Variants in DLG2 observed in about 807,000 individuals in gnomAD.
DLG2 encodes disks large homolog 2.
In DLG2, 45 loss-of-function variants were observed where a neutral mutation model predicts 132.5. That is an observed-to-expected ratio of 0.34 (90% confidence interval 0.27 to 0.44). The LOEUF (loss-of-function observed/expected upper bound fraction) is 0.44, where lower values mean the gene tolerates loss of function less well. DLG2 is among the 20% of genes least tolerant of loss of function. DLG2 has a pLI of 1.00. For synonymous variants in DLG2, 424 were observed against 419.6 expected (o/e 1.01, Z -0.13); for missense variants, 1,045 against 1,196.9 (o/e 0.87, Z 1.87).
chr11:84,042,010 GCCTC>G (rs1282020597), intron 11 of DLG2, among the ~76,000 whole-genome samples: 3 of 151,898 alleles, frequency 2.0e-5, no homozygotes, highest in Non-Finnish European at 4.4e-5. Flanking sequence ...TGATTGTGAG[GCCTC>G]CCCAGCCACG....
intron 19 of DLG2, among the ~76,000 whole-genome samples, chr11:83,627,241 T>C (rs1369546733): frequency 6.6e-6 from 1 of 152,070 alleles, no homozygotes; most frequent in East Asian, 1.9e-4. Context: ...ACTTTTAGGG[T>C]ACATGTGCAC....
intron 6 of DLG2, among the ~76,000 whole-genome samples, chr11:84,668,496 C>T (rs532666869): frequency 6.6e-6 from 1 of 152,110 alleles, no homozygotes; most frequent in South Asian, 2.1e-4. Flanking sequence ...ACTGAATGCC[C>T]TTTCTGATAA....
At chr11:84,479,927 A>C (rs1487268823) in intron 7 of DLG2, among the ~76,000 whole-genome samples, 1 of 152,154 alleles carries the variant, frequency 6.6e-6, no homozygotes, top group Non-Finnish European at 1.5e-5. Flanking sequence ...TAAGGGACAA[A>C]AATAGCAAAC....
intron 4 of DLG2, among the ~76,000 whole-genome samples, chr11:85,231,135 CAA>C (rs1018831990): frequency 6.6e-6 from 1 of 151,382 alleles, no homozygotes; most frequent in Non-Finnish European, 1.5e-5. Context: ...ATTATTTCAC[CAA>C]AAAAAATTTG....
chr11:84,822,046 C>A (rs552284040), intron 6 of DLG2, among the ~76,000 whole-genome samples: 1 of 151,858 alleles, frequency 6.6e-6, no homozygotes, highest in South Asian at 2.1e-4. Flanking sequence ...CAATATTTTA[C>A]TATTCAGCAA....
chr11:85,144,705 TA>T (rs199885392), intron 5 of DLG2, among the ~76,000 whole-genome samples: 2 of 151,322 alleles, frequency 1.3e-5, no homozygotes, highest in Non-Finnish European at 3.0e-5. Flanking sequence ...AGAGAAAACT[TA>T]AAAAAAAACT....
At chr11:84,095,014 A>C in intron 10 of DLG2, among the ~76,000 whole-genome samples, 1 of 152,240 alleles carries the variant, frequency 6.6e-6, no homozygotes, top group East Asian at 1.9e-4. Context: ...CGTTTTTTGC[A>C]CCATACCTAT....
At chr11:85,571,680 C>A (rs558636962) in intron 3 of DLG2, among the ~76,000 whole-genome samples, 1 of 152,282 alleles carries the variant, frequency 6.6e-6, no homozygotes, top group South Asian at 2.1e-4. Context: ...CTTTTCAAAG[C>A]CTTTATCCCC....
intron 5 of DLG2, among the ~76,000 whole-genome samples, chr11:85,125,652 T>G (rs2075004774): frequency 6.6e-6 from 1 of 152,114 alleles, no homozygotes; most frequent in African/African-American, 2.4e-5. Flanking sequence ...AACATGGATA[T>G]TAGAGTCATA....
chr11:84,609,494 C>A (rs1457628725), intron 6 of DLG2, among the ~76,000 whole-genome samples: 2 of 152,054 alleles, frequency 1.3e-5, no homozygotes, highest in Non-Finnish European at 2.9e-5. Flanking sequence ...ATAAACTGTG[C>A]TATCTGATGA....
intron 4 of DLG2, among the ~76,000 whole-genome samples, chr11:85,158,351 T>G (rs2077749173): frequency 6.6e-6 from 1 of 152,142 alleles, no homozygotes; most frequent in African/African-American, 2.4e-5. Flanking sequence ...TTAGCTGAAA[T>G]ATGGATTAAA....
intron 11 of DLG2, among the ~76,000 whole-genome samples, chr11:84,014,737 G>C (rs1009015495): frequency 6.6e-6 from 1 of 152,016 alleles, no homozygotes. Flanking sequence ...GTTATGAAAG[G>C]CATGATTTTA....
At chr11:83,566,757 C>T (rs2096716500) in intron 19 of DLG2, among the ~76,000 whole-genome samples, 1 of 127,830 alleles carries the variant, frequency 7.8e-6, no homozygotes, top group African/African-American at 2.8e-5. Flanking sequence ...GTGTGTGTAT[C>T]CTCACAATGC....
intron 4 of DLG2, among the ~76,000 whole-genome samples, chr11:85,184,781 G>C (rs2079976297): frequency 6.8e-6 from 1 of 147,576 alleles, no homozygotes; most frequent in Non-Finnish European, 1.5e-5. Flanking sequence ...AACTTCTTTG[G>C]AAAAAAAAAT....
At chr11:85,172,668 A>G (rs1450113547) in intron 4 of DLG2, among the ~76,000 whole-genome samples, 1 of 152,210 alleles carries the variant, frequency 6.6e-6, no homozygotes, top group Non-Finnish European at 1.5e-5. Context: ...AATGAATAAC[A>G]AACTTTGCTG....
intron 17 of DLG2, chr11:83,791,235 G>T: frequency 1.5e-6 from 1 of 654,278 alleles, no homozygotes; most frequent in South Asian, 1.9e-5. Context: ...CGGCTTTAAA[G>T]ACTATCGGTG....
At chr11:84,661,329 C>G (rs1263799021) in intron 6 of DLG2, among the ~76,000 whole-genome samples, 1 of 152,094 alleles carries the variant, frequency 6.6e-6, no homozygotes, top group Middle Eastern at 3.2e-3. Context: ...ATTACAAAGT[C>G]TCAAATGTAG....
intron 7 of DLG2, among the ~76,000 whole-genome samples, chr11:84,502,319 T>C (rs1376099074): frequency 4.1e-4 from 4 of 9,784 alleles, no homozygotes; most frequent in South Asian, 3.0e-3. Flanking sequence ...TCTTTCTTTC[T>C]TTCTTTCTTT....
intron 6 of DLG2, among the ~76,000 whole-genome samples, chr11:84,610,662 C>CT (rs2099593796): frequency 6.6e-6 from 1 of 152,084 alleles, no homozygotes; most frequent in Non-Finnish European, 1.5e-5. Flanking sequence ...TTGACAGTGT[C>CT]CTTGCCCTCC....
Sources: allele counts gnomAD v4.1 joint callset (sites outside exome capture counted in the v4.1 genomes callset), GRCh38; gene constraint gnomAD v4.1.1; transcripts MANE v1.5; gene names NCBI Gene and HGNC (gene_info 2026-07-23, HGNC 2026-07-21).